THSD4: variants seen among roughly 807,000 people sequenced by gnomAD.
THSD4 encodes the protein thrombospondin type 1 domain containing 4, also known as thrombospondin type-1 domain-containing protein 4.
Under a neutral mutation model 119.0 loss-of-function variants are expected in THSD4, and 69 were observed. The ratio of observed to expected loss-of-function variants is 0.58; its 90% CI spans 0.48 to 0.71. The LOEUF (loss-of-function observed/expected upper bound fraction) is 0.71. THSD4 is among the 30% of genes least tolerant of loss of function. The probability of loss-of-function intolerance (pLI) is 0.00; values close to 1 mark genes in which losing one functional copy is unlikely to be tolerated. For synonymous variants in THSD4, 524 were observed against 540.4 expected (o/e 0.97, Z 0.42); for missense variants, 1,393 against 1,391.1 (o/e 1.00, Z -0.02).
chr15:71,117,426 C>T (rs1254175143), intron 1 of THSD4, among the ~76,000 whole-genome samples: 4 of 152,054 alleles, frequency 2.6e-5, no homozygotes, highest in Non-Finnish European at 5.9e-5. Flanking sequence ...TTCTCCATCC[C>T]CCACATTTCT....
At chr15:71,112,667 T>G (rs200750341), upstream of THSD4, among the ~76,000 whole-genome samples, 13 of 152,334 alleles carry the variant, frequency 8.5e-5, no homozygotes, top group East Asian at 2.5e-3. Flanking sequence ...GGCTAGCCTT[T>G]GACTGTGATC....
chr15:71,140,186 C>G (rs1311872229), intron 1 of THSD4, among the ~76,000 whole-genome samples: 1 of 152,188 alleles, frequency 6.6e-6, no homozygotes, highest in African/African-American at 2.4e-5. Flanking sequence ...ATGCTTAAGA[C>G]TGGGTAATTT....
intron 6 of THSD4, among the ~76,000 whole-genome samples, chr15:71,328,885 G>A (rs747746153): frequency 3.3e-5 from 5 of 152,226 alleles, no homozygotes; most frequent in African/African-American, 9.6e-5. Context: ...CAAGCTTTGC[G>A]GTTCAAGTGG....
intron 3 of THSD4, chr15:71,185,404 C>T (rs1408801844): frequency 2.6e-5 from 4 of 151,760 alleles, no homozygotes; most frequent in Admixed American, 2.6e-4. Flanking sequence ...CCATGCATTA[C>T]CTGATTTCTC....
At chr15:71,442,922 G>A (rs570680082) in intron 7 of THSD4, among the ~76,000 whole-genome samples, 2 of 151,472 alleles carry the variant, frequency 1.3e-5, no homozygotes, top group African/African-American at 4.8e-5. Context: ...AGTCCCTTGT[G>A]CTTGACACCT....
chr15:71,482,879 G>A (rs184725592), intron 7 of THSD4, among the ~76,000 whole-genome samples: 4 of 152,264 alleles, frequency 2.6e-5, no homozygotes, highest in African/African-American at 9.6e-5. Flanking sequence ...GAGCCACCAC[G>A]CCTGGCCTGT....
intron 6 of THSD4, among the ~76,000 whole-genome samples, chr15:71,326,700 A>ATAT (rs869113340): frequency 1.5e-4 from 1 of 6,454 alleles, no homozygotes; most frequent in African/African-American, 3.4e-4. Context: ...AAAAAAAAAA[A>ATAT]ATATATATAT....
chr15:71,467,658 C>T (rs540641657), intron 7 of THSD4, among the ~76,000 whole-genome samples: 1 of 152,192 alleles, frequency 6.6e-6, no homozygotes, highest in South Asian at 2.1e-4. Context: ...TGACTTGCTT[C>T]AGGGAAGAAG....
At chr15:71,640,052 G>A (rs2140961357) in intron 7 of THSD4, among the ~76,000 whole-genome samples, 1 of 152,110 alleles carries the variant, frequency 6.6e-6, no homozygotes, top group South Asian at 2.1e-4. Context: ...GGGCTTATTG[G>A]AAAAGTGGTA....
chr15:71,432,154 A>G (rs980699358), intron 7 of THSD4, among the ~76,000 whole-genome samples: 5 of 152,190 alleles, frequency 3.3e-5, no homozygotes, highest in African/African-American at 9.7e-5. Flanking sequence ...ACTCAAGGAA[A>G]ACTAAACACC....
intron 7 of THSD4, among the ~76,000 whole-genome samples, chr15:71,548,486 C>T (rs62022760): frequency 0.2 from 31,027 of 152,194 alleles, 3,368 homozygotes; most frequent in Non-Finnish European, 0.24. Context: ...CCCAAGCCCA[C>T]GGCTGCAAGG....
intron 3 of THSD4, among the ~76,000 whole-genome samples, chr15:71,192,118 A>G (rs1364782271): frequency 1.3e-5 from 2 of 151,888 alleles, no homozygotes; most frequent in East Asian, 1.9e-4. Flanking sequence ...TGGACAGGCT[A>G]GTCTTGAACT....
chr15:71,477,783 C>A (rs923973033), intron 7 of THSD4, among the ~76,000 whole-genome samples: 1 of 152,202 alleles, frequency 6.6e-6, no homozygotes, highest in Admixed American at 6.5e-5. Flanking sequence ...ACTTTATTCA[C>A]CCTCTTCACC....
At chr15:71,499,500 TAA>T (rs60677215) in intron 7 of THSD4, among the ~76,000 whole-genome samples, 3,585 of 144,246 alleles carry the variant, frequency 0.025, 55 homozygotes, top group Middle Eastern at 0.057. Context: ...TTTATTATGG[TAA>T]AAAAAAAAAA....
In THSD4 at chr15:71,403,501, C is replaced by A. The variant is rs181990707; in HGVS notation, c.1016-8186C>A. ...GTCTTGAAATTTCAAGTGATGTAAC[C>A]TTCATGAGGGTTTATTTTTATCTAT... On this transcript the variant is annotated intron_variant, in intron 6 of 17. Transcript: ENST00000261862. Among the ~76,000 whole-genome samples the A allele has an allele frequency of 2.7e-4, 41 of 152,182 alleles. No individual in the cohort carries two copies. In the East Asian group the frequency reaches 6.4e-3, roughly 24 times the overall value.
At position 71,191,658 on chromosome 15, in the gene THSD4, C is replaced by G. The variant is rs1256878712; in HGVS notation, c.100-23377C>G. ...GGTGGAACAGAAATTCAAGCTCATA[C>G]TGAGCCCCTGAGCTCTCACTCTTCA... On this transcript the variant is annotated intron_variant, in intron 3 of 17. Transcript: ENST00000261862. Among the ~76,000 whole-genome samples the G allele has an allele frequency of 5.3e-5, 8 of 152,252 alleles. No individual in the cohort carries two copies. In the South Asian group the frequency reaches 6.3e-4, roughly 12 times the overall value.
chr15:71,731,210 G>T lies in THSD4; in HGVS notation c.1623G>T (p.Arg541Ser), dbSNP rs560937224. ...NAISPQVPPHRRPGEPFNGQM... is the reference protein window; with the variant it reads ...NAISPQVPPHSRPGEPFNGQM... ...TCAGCCCCCAGGTGCCACCCCACAG[G>T]AGACCAGGTAGAATCCCTTGTCTTG... The change falls in exon 10 of 18, where the codon AGG (arginine) becomes AGT (serine). Residue 541 changes from arginine (R) to serine (S), a missense_variant. Arg to Ser is a moderately radical substitution (Grantham distance 110). Transcript: ENST00000261862. 1 of 1,614,152 alleles carries T rather than the reference G, an allele frequency of 6.2e-7. No individual in the cohort carries two copies. The highest frequency in any genetic ancestry group is 8.5e-7 in the Non-Finnish European group (1 of 1,180,006).
chr15:71,596,273 G>A (rs2049905336), intron 7 of THSD4, among the ~76,000 whole-genome samples: 1 of 152,228 alleles, frequency 6.6e-6, no homozygotes, highest in Admixed American at 6.5e-5. Flanking sequence ...TCACCCTTCT[G>A]TGGGTAGGAA....
chr15:71,334,621 T>C (rs1192884899), intron 6 of THSD4, among the ~76,000 whole-genome samples: 1 of 152,210 alleles, frequency 6.6e-6, no homozygotes, highest in Non-Finnish European at 1.5e-5. Flanking sequence ...GAAATTGGCA[T>C]TGACCAAGGC....
Sources: gnomAD v4.1 joint callset for allele counts (sites outside exome capture counted in the v4.1 genomes callset) on GRCh38, gnomAD v4.1.1 for gene constraint, MANE v1.5 for transcripts, NCBI Gene and HGNC (gene_info 2026-07-23, HGNC 2026-07-21) for gene names.